The following KIAA0586 variants were observed in gnomAD, a reference collection of about 807,000 sequenced individuals.
KIAA0586 encodes the protein KIAA0586, also known as protein TALPID3.
Under a neutral mutation model 169.8 loss-of-function variants are expected in KIAA0586, and 144 were observed. The observed-to-expected ratio is 0.85, with a 90% CI of 0.74 to 0.97. The LOEUF is 0.97. Among genes scored for constraint, KIAA0586 ranks in the 50% least tolerant of loss-of-function variants. The pLI, the probability that KIAA0586 is intolerant of heterozygous loss-of-function variation, is 0.00. For missense variants in KIAA0586, 1,854 were observed against 1,823.0 expected, an observed-to-expected ratio of 1.02 and a Z score of -0.31; for synonymous variants, 625 against 612.4, an observed-to-expected ratio of 1.02 and a Z score of -0.30.
At chr14:58,510,796 A>G (rs997607144) in intron 28 of KIAA0586, among the ~76,000 whole-genome samples, 3 of 152,114 alleles carry the variant, frequency 2.0e-5, no homozygotes, top group African/African-American at 7.2e-5. Context: ...ACCAAAAGGC[A>G]TGAACTATGA....
At chr14:58,540,049 G>A (rs765107669) in intron 29 of KIAA0586, 22 bp from the exon 30 acceptor site, 22 of 1,471,950 alleles carry the variant, frequency 1.5e-5, no homozygotes, top group Non-Finnish European at 2.0e-5. Flanking sequence ...ATTTTCTTCT[G>A]AAAAAATAAA....
the KIAA0586 span, among the ~76,000 whole-genome samples, chr14:58,558,488 G>A: frequency 2.0e-5 from 3 of 152,160 alleles, no homozygotes; most frequent in African/African-American, 4.8e-5. Flanking sequence ...TATAAGGGTG[G>A]ATCTTCATGG....
chr14:58,519,592 G>A (rs537192384), intron 29 of KIAA0586, among the ~76,000 whole-genome samples: 11 of 152,196 alleles, frequency 7.2e-5, no homozygotes, highest in Middle Eastern at 6.8e-3. Flanking sequence ...AATATTTATC[G>A]TGTGACTTAA....
At chr14:58,556,956 G>A in the KIAA0586 span, among the ~76,000 whole-genome samples, 2 of 152,044 alleles carry the variant, frequency 1.3e-5, no homozygotes, top group Admixed American at 6.6e-5. Context: ...TGTTGGTCAG[G>A]CTGGTCTCAA....
At chr14:58,469,749 A>G (rs1566846985) in intron 16 of KIAA0586, among the ~76,000 whole-genome samples, 1 of 152,238 alleles carries the variant, frequency 6.6e-6, no homozygotes, top group Non-Finnish European at 1.5e-5. Flanking sequence ...AAGGACATGA[A>G]TAAGACTCTA....
At chr14:58,551,697 C>T (rs373193890), downstream of KIAA0586, among the ~76,000 whole-genome samples, 99 of 151,964 alleles carry the variant, frequency 6.5e-4, 1 homozygote, top group African/African-American at 2.1e-3. Context: ...ACCCAGGAGG[C>T]GGAGGTTGCA....
chr14:58,495,926 C>T (rs1008417249), intron 26 of KIAA0586, among the ~76,000 whole-genome samples: 1 of 151,968 alleles, frequency 6.6e-6, no homozygotes, highest in African/African-American at 2.4e-5. Flanking sequence ...AAAAATTGCC[C>T]CTAGCTGTAT....
chr14:58,470,730 T>G lies in KIAA0586; in HGVS notation c.2553+7T>G. 1 of 1,395,024 alleles carries G rather than the reference T, an allele frequency of 7.2e-7. No individual in the cohort carries two copies. Among genetic ancestry groups the G allele is most frequent in the Non-Finnish European group, 1.0e-6 (1 of 982,036 alleles). 86.4% of individuals were successfully genotyped at this position (1,395,024 alleles called of 1,614,324 possible). On this transcript the variant is annotated splice_region_variant and intron_variant, in intron 17 of 30. Coordinates refer to ENST00000652326, the MANE Select transcript of KIAA0586 (RefSeq NM_001329943.3). ...TGTGCAAACTTGGATAAAGGTATATTTCAGAATTTTATCATATTATTTTGA... is the reference window on the plus strand; with the variant it reads ...TGTGCAAACTTGGATAAAGGTATATGTCAGAATTTTATCATATTATTTTGA...
intron 27 of KIAA0586, among the ~76,000 whole-genome samples, chr14:58,500,197 A>G (rs2043454294): frequency 6.6e-6 from 1 of 152,210 alleles, no homozygotes; most frequent in African/African-American, 2.4e-5. Flanking sequence ...GGTTTCTGTG[A>G]GCCTCTGGTC....
intron 6 of KIAA0586, among the ~76,000 whole-genome samples, chr14:58,447,199 T>A (rs1376368156): frequency 6.6e-6 from 1 of 152,154 alleles, no homozygotes; most frequent in Non-Finnish European, 1.5e-5. Flanking sequence ...GTTTCATCTG[T>A]TTTATGTAGA....
intron 29 of KIAA0586, among the ~76,000 whole-genome samples, chr14:58,520,535 TTG>T: frequency 6.6e-6 from 1 of 152,056 alleles, no homozygotes; most frequent in African/African-American, 2.4e-5. Flanking sequence ...GTTGTTGTTG[TTG>T]TTGAGACAGA....
chr14:58,538,186 A>C (rs1006709765), intron 29 of KIAA0586, among the ~76,000 whole-genome samples: 23 of 152,032 alleles, frequency 1.5e-4, no homozygotes, highest in African/African-American at 5.1e-4. Flanking sequence ...AACCTATATC[A>C]CAGTTGTATG....
chr14:58,472,934 C>T (rs780511036), intron 18 of KIAA0586, among the ~76,000 whole-genome samples: 56 of 139,440 alleles, frequency 4.0e-4, no homozygotes, highest in Non-Finnish European at 2.5e-4. Context: ...TAATGTTATT[C>T]GCTCACAGAT....
chr14:58,470,557 A>G, intron 16 of KIAA0586, 56 bp from the exon 17 acceptor site: 3 of 1,060,484 alleles, frequency 2.8e-6, no homozygotes, highest in Non-Finnish European at 4.3e-6. Flanking sequence ...ACATACTCAT[A>G]AAAATATTTG....
intron 4 of KIAA0586, among the ~76,000 whole-genome samples, chr14:58,436,099 A>T (rs768714280): frequency 5.9e-5 from 9 of 152,220 alleles, no homozygotes; most frequent in Non-Finnish European, 1.2e-4. Flanking sequence ...ACAAGACAAG[A>T]TGTCCATTAT....
At chr14:58,493,372 G>A (rs757416649) in intron 26 of KIAA0586, among the ~76,000 whole-genome samples, 1 of 152,060 alleles carries the variant, frequency 6.6e-6, no homozygotes, top group African/African-American at 2.4e-5. Context: ...TATATTTAAG[G>A]TGCTTAAGGA....
chr14:58,441,320 C>T (rs1455545616), intron 4 of KIAA0586: 1 of 446,528 alleles, frequency 2.2e-6, no homozygotes, highest in Admixed American at 2.4e-5. Context: ...CCCACCTCAG[C>T]CTCCCGAGTA....
In KIAA0586 at chr14:58,549,502, A is replaced by C. The variant is rs929451160; in HGVS notation, c.*1570A>C. ...GCTGCAAGAGTCTATGGAAACTCAG[A>C]AATGTGTCAGCCTTCCACATGCACT... On this transcript the variant is annotated 3_prime_UTR_variant, in exon 31 of 31. Transcript: ENST00000652326. 1.3e-5 allele frequency: 2 copies of C among 152,158 alleles called. No homozygotes were observed. Among genetic ancestry groups the C allele is most frequent in the African/African-American group, 4.8e-5 (2 of 41,438 alleles). The allele number at this position is 152,158 out of a possible 1,614,324, so 9.4% of individuals were successfully genotyped here.
At chr14:58,546,228 T>C (rs2046973639) in intron 30 of KIAA0586, among the ~76,000 whole-genome samples, 1 of 152,226 alleles carries the variant, frequency 6.6e-6, no homozygotes, top group South Asian at 2.1e-4. Flanking sequence ...CCAAATCTTA[T>C]CTTCCTCTCT....
Sources: allele counts gnomAD v4.1 joint callset (sites outside exome capture counted in the v4.1 genomes callset), GRCh38; gene constraint gnomAD v4.1.1; transcripts MANE v1.5; gene names NCBI Gene and HGNC (gene_info 2026-07-23, HGNC 2026-07-21).